Variants in PRKRA observed in about 807,000 individuals in gnomAD.
PRKRA encodes the protein protein activator of interferon induced protein kinase EIF2AK2, also known as interferon-inducible double-stranded RNA-dependent protein kinase activator A.
PRKRA carries 22 observed loss-of-function variants against 32.4 expected under a neutral mutation model. That is an observed-to-expected ratio of 0.68 (90% CI 0.49 to 0.97). The LOEUF (loss-of-function observed/expected upper bound fraction) is 0.97. Among genes scored for constraint, PRKRA ranks in the 50% least tolerant of loss-of-function variants. PRKRA has a pLI of 0.00. For synonymous variants in PRKRA, 139 were observed against 129.8 expected, an observed-to-expected ratio of 1.07 and a Z score of -0.48; for missense variants, 319 against 375.6, an observed-to-expected ratio of 0.85 and a Z score of 1.25.
At chr2:178,443,894 T>C (rs1697212561) in intron 4 of PRKRA, 1 of 171,618 alleles carries the variant, frequency 5.8e-6, no homozygotes, top group African/African-American at 2.4e-5. Flanking sequence ...ACTGGCTGAA[T>C]AATGGGGAGG....
At chr2:178,435,509 T>C (rs1372983886) in intron 7 of PRKRA, among the ~76,000 whole-genome samples, 1 of 151,968 alleles carries the variant, frequency 6.6e-6, no homozygotes. Context: ...TCTATCCAAA[T>C]GATTAAGGGC....
At chr2:178,439,445 T>C (rs1384540085) in intron 6 of PRKRA, 1 of 152,232 alleles carries the variant, frequency 6.6e-6, no homozygotes, top group Non-Finnish European at 1.5e-5. Flanking sequence ...GGAAAAGTTA[T>C]TGATTTTGTA....
chr2:178,436,000 T>C (rs1273138153), intron 7 of PRKRA, 145 bp downstream of exon 7: 2 of 678,856 alleles, frequency 2.9e-6, no homozygotes, highest in Admixed American at 2.9e-5. Flanking sequence ...TATATATTAC[T>C]GGCCTAGTAA....
At chr2:178,450,134 T>C (rs1697507068) in intron 2 of PRKRA, 108 bp downstream of exon 2, 2 of 1,201,224 alleles carry the variant, frequency 1.7e-6, no homozygotes, top group African/African-American at 1.5e-5. Flanking sequence ...TTTCAGAGCC[T>C]GTTCCTCACA....
chr2:178,446,898 CAGG>C (rs1427785820), intron 3 of PRKRA, among the ~76,000 whole-genome samples: 1 of 144,286 alleles, frequency 6.9e-6, no homozygotes, highest in Non-Finnish European at 1.5e-5. Context: ...GAGGCTGAGG[CAGG>C]AGAATGGCGT....
chr2:178,447,686 C>T lies in PRKRA; in HGVS notation c.236-100G>A. 2.9e-6 allele frequency: 3 copies of T among 1,040,038 alleles called. No homozygotes were observed. In the Admixed American group the frequency reaches 7.5e-5, roughly 26 times the overall value. 64.4% of individuals were successfully genotyped at this position (1,040,038 alleles called of 1,614,324 possible). A position where few individuals can be genotyped will look rare whatever the true frequency, so the allele number is the denominator to read the frequency against. ...CAAAACAAAGTCACTATAGATTTTACATACACATACTAGGTAATAAAAATA... is the reference window on the plus strand; with the variant it reads ...CAAAACAAAGTCACTATAGATTTTATATACACATACTAGGTAATAAAAATA... On this transcript the variant is annotated intron_variant, in intron 2 of 7. Coordinates refer to ENST00000325748, the MANE Select transcript of PRKRA (RefSeq NM_003690.5).
chr2:178,432,055 CTT>C lies in PRKRA; in HGVS notation c.*40_*41del. 6.2e-7 allele frequency: 1 copy of C among 1,609,740 alleles called. No homozygotes were observed. The highest frequency in any genetic ancestry group is 1.1e-5 in the South Asian group (1 of 90,840). ...TACTTGGGAAGGGGCCAGAGGGGAA[CTT>C]TTTATGTGCTACTGAAAGATTTTTT... On this transcript the variant is annotated 3_prime_UTR_variant, in exon 8 of 8. Transcript: ENST00000325748.
intron 6 of PRKRA, among the ~76,000 whole-genome samples, chr2:178,441,075 T>G (rs1367019130): frequency 2.0e-5 from 3 of 152,220 alleles, no homozygotes; most frequent in Non-Finnish European, 2.9e-5. Context: ...AGGTCTTGGC[T>G]TAGACATTAC....
At chr2:178,441,141 C>G (rs940393506) in intron 6 of PRKRA, among the ~76,000 whole-genome samples, 3 of 152,174 alleles carry the variant, frequency 2.0e-5, no homozygotes, top group African/African-American at 7.2e-5. Flanking sequence ...CTTCTATGTT[C>G]CCACATCACA....
At chr2:178,436,773 G>GA (rs939862249) in intron 6 of PRKRA, among the ~76,000 whole-genome samples, 17 of 149,214 alleles carry the variant, frequency 1.1e-4, no homozygotes, top group South Asian at 2.1e-4. Context: ...AAAAAAAACA[G>GA]AAAAAAAAAC....
rs1340294430 is a variant in PRKRA, at chr2:178,431,915, T to C, written c.*182A>G. On this transcript the variant is annotated 3_prime_UTR_variant, in exon 8 of 8. Transcript: ENST00000325748. ...ATAAATACAGTATACTGATACAAAG[T>C]TGAAGCCATTAAAAAGAGCTTAATA... The C allele has an allele frequency of 2.1e-5, 16 of 746,140 alleles. No homozygotes were observed. The highest frequency in any genetic ancestry group is 1.5e-4 in the Admixed American group (6 of 40,824). The allele number at this position is 746,140 out of a possible 1,614,324, so 46.2% of individuals were successfully genotyped here.
intron 1 of PRKRA, chr2:178,450,649 G>C (rs1697558467): frequency 6.9e-7 from 1 of 1,441,594 alleles, no homozygotes; most frequent in African/African-American, 1.4e-5. Context: ...ATGCGGGTAG[G>C]AGAGATTCTC....
chr2:178,448,882 T>C (rs1697423752), intron 2 of PRKRA, among the ~76,000 whole-genome samples: 1 of 152,200 alleles, frequency 6.6e-6, no homozygotes, highest in Non-Finnish European at 1.5e-5. Context: ...GTGGAGCCTT[T>C]ACATAGAAAG....
rs1368455691 is a variant in PRKRA, at chr2:178,431,808, A to T, written c.*289T>A. On this transcript the variant is annotated 3_prime_UTR_variant, in exon 8 of 8. Coordinates refer to ENST00000325748, the MANE Select transcript of PRKRA (RefSeq NM_003690.5). ...TCGCTAGCATTTTTATTTCATCATC[A>T]ACAACAAACATGCAGTTTCTTTCTC... The T allele has an allele frequency of 2.3e-6, 1 of 439,256 alleles. No homozygotes were observed. The highest frequency in any genetic ancestry group is 4.2e-6 in the Non-Finnish European group (1 of 239,982). The allele number at this position is 439,256 out of a possible 1,614,324, so 27.2% of individuals were successfully genotyped here.
chr2:178,450,094 G>C, intron 2 of PRKRA, 148 bp downstream of exon 2: 1 of 1,004,024 alleles, frequency 1.0e-6, no homozygotes, highest in Non-Finnish European at 1.6e-6. Flanking sequence ...CAGCTGAAAA[G>C]CCCTAACGAC....
intron 6 of PRKRA, among the ~76,000 whole-genome samples, chr2:178,438,418 A>C (rs1696988274): frequency 6.6e-6 from 1 of 152,170 alleles, no homozygotes; most frequent in African/African-American, 2.4e-5. Flanking sequence ...TCACCCACTG[A>C]TCTGAAATCT....
rs1310637147 is a variant in PRKRA at position 178,450,989 on chromosome 2, C to T, written c.42G>A (p.Glu14=). 1.3e-6 allele frequency: 2 copies of T among 1,563,584 alleles called. No homozygotes were observed. The highest frequency in any genetic ancestry group is 3.6e-5 in the Admixed American group (2 of 55,708). The stretch of plus-strand genomic sequence containing the variant: ...ACCTGAAGGTCCCACTGTCCTCGCG[C>T]TCCAGCGGCGGGGCCTCGGCGCGGT... ...SRHRAEAPPL[E]REDSGTFSLG... is the part of the protein sequence containing the mutation. Residue 14 remains glutamate (E), a synonymous_variant, in exon 1 of 8, where the codon GAG becomes GAA. Coordinates refer to ENST00000325748, the MANE Select transcript of PRKRA (RefSeq NM_003690.5).
intron 4 of PRKRA, 24 bp downstream of exon 4, chr2:178,444,398 T>A: frequency 1.3e-6 from 1 of 784,578 alleles, no homozygotes; most frequent in Non-Finnish European, 1.8e-6. Flanking sequence ...ATTTCATCAG[T>A]AGGCAAAGAA....
intron 2 of PRKRA, among the ~76,000 whole-genome samples, chr2:178,447,790 T>C (rs1163933742): frequency 6.6e-6 from 1 of 152,198 alleles, no homozygotes; most frequent in Admixed American, 6.5e-5. Flanking sequence ...ATATTCACCA[T>C]GTGAAAAAAT....
Sources: allele counts gnomAD v4.1 joint callset (sites outside exome capture counted in the v4.1 genomes callset), GRCh38; gene constraint gnomAD v4.1.1; transcripts MANE v1.5; gene names NCBI Gene and HGNC (gene_info 2026-07-23, HGNC 2026-07-21).